NFATC2: variants seen among roughly 807,000 people sequenced by gnomAD.
NFATC2 encodes the protein nuclear factor of activated T cells 2.
In NFATC2, 22 loss-of-function variants were observed where a neutral mutation model predicts 87.3. That is an observed-to-expected ratio of 0.25 (90% CI 0.18 to 0.36). The LOEUF (loss-of-function observed/expected upper bound fraction) is 0.36. NFATC2 is among the 10% of genes least tolerant of loss of function. NFATC2 has a pLI of 1.00. For synonymous variants in NFATC2, 565 were observed against 542.2 expected, an observed-to-expected ratio of 1.04 and a Z score of -0.58; for missense variants, 1,149 against 1,259.1, an observed-to-expected ratio of 0.91 and a Z score of 1.32.
chr20:51,465,419 C>T (rs1464232850), intron 5 of NFATC2, among the ~76,000 whole-genome samples: 5 of 152,042 alleles, frequency 3.3e-5, no homozygotes, highest in African/African-American at 1.2e-4. Context: ...TGTCAACCTC[C>T]TACTTGGAAC....
chr20:51,529,109 C>T (rs1008451966), intron 1 of NFATC2, among the ~76,000 whole-genome samples: 2 of 152,278 alleles, frequency 1.3e-5, no homozygotes, highest in Admixed American at 1.3e-4. Context: ...TCTGAGAATT[C>T]ACTGCCCTTC....
At chr20:51,428,415 T>A (rs1419370194) in intron 9 of NFATC2, among the ~76,000 whole-genome samples, 1 of 152,218 alleles carries the variant, frequency 6.6e-6, no homozygotes, top group African/African-American at 2.4e-5. Flanking sequence ...ATTTTGCTTT[T>A]CCAAAGAGAC....
chr20:51,482,173 C>G (rs1405933157), intron 3 of NFATC2, among the ~76,000 whole-genome samples: 1 of 151,850 alleles, frequency 6.6e-6, no homozygotes, highest in Non-Finnish European at 1.5e-5. Flanking sequence ...ATCCACCCCA[C>G]CAGCTCAGCA....
intron 5 of NFATC2, among the ~76,000 whole-genome samples, chr20:51,455,347 T>C (rs1428280605): frequency 1.3e-5 from 2 of 152,046 alleles, no homozygotes; most frequent in Admixed American, 6.5e-5. Flanking sequence ...CACTTCCTAG[T>C]GTCTGTCCTC....
At chr20:51,443,369 T>C (rs1749925248) in intron 6 of NFATC2, among the ~76,000 whole-genome samples, 1 of 152,196 alleles carries the variant, frequency 6.6e-6, no homozygotes, top group Non-Finnish European at 1.5e-5. Flanking sequence ...CAATTAATAC[T>C]GGCTGAATAA....
At chr20:51,554,244 A>G (rs1267441902) in intron 1 of NFATC2, among the ~76,000 whole-genome samples, 2 of 152,194 alleles carry the variant, frequency 1.3e-5, no homozygotes, top group African/African-American at 4.8e-5. Context: ...TAGCTTATAA[A>G]TGACTTCCTA....
chr20:51,512,470 C>G (rs1009833509), intron 3 of NFATC2, among the ~76,000 whole-genome samples: 5 of 152,186 alleles, frequency 3.3e-5, no homozygotes, highest in Non-Finnish European at 5.9e-5. Flanking sequence ...GCAACCAGCA[C>G]AGTGCCTGGC....
At chr20:51,475,751 A>G in intron 3 of NFATC2, 91 bp from the exon 4 acceptor site, 1 of 1,204,244 alleles carries the variant, frequency 8.3e-7, no homozygotes, top group South Asian at 1.4e-5. Flanking sequence ...CATGGGCAGT[A>G]GAGAGACTAT....
intron 6 of NFATC2, among the ~76,000 whole-genome samples, chr20:51,446,004 C>A (rs1176390575): frequency 6.6e-6 from 1 of 152,232 alleles, no homozygotes; most frequent in Admixed American, 6.5e-5. Flanking sequence ...GCCAGCTACT[C>A]TGGGAACCAG....
Position 51,432,138 on chromosome 20 carries a change from T to C in NFATC2, c.2651A>G (p.Gln884Arg). Residue 884 changes from glutamine to arginine, a missense_variant, in exon 9 of 11, where the codon CAA becomes CGA. Gln to Arg is a conservative substitution (Grantham distance 43). This residue lies in a region of NFATC2 where 581 missense variants were observed against 649.7 expected (regional missense o/e 0.89). Coordinates refer to ENST00000371564, the MANE Select transcript of NFATC2 (RefSeq NM_012340.5). The surrounding 1 kb of genome is among the most constrained non-coding windows in gnomAD (Gnocchi z 4.6). ...AAKNGPPVSD[Q>R]KEVLPAGVTI... Reference sequence around the variant, plus strand: ...CACCCCCGCAGGTAATACTTCCTTTTGGTCACTGACCGGGGGTCCGTTTTT... The same window carrying C: ...CACCCCCGCAGGTAATACTTCCTTTCGGTCACTGACCGGGGGTCCGTTTTT... 6.3e-7 allele frequency: 1 copy of C among 1,587,080 alleles called. No homozygotes were observed. The highest frequency in any genetic ancestry group is 8.6e-7 in the Non-Finnish European group (1 of 1,163,572).
intron 6 of NFATC2, among the ~76,000 whole-genome samples, chr20:51,453,509 A>G (rs1986053971): frequency 6.6e-6 from 1 of 152,254 alleles, no homozygotes; most frequent in African/African-American, 2.4e-5. Context: ...TGGTTCTAGT[A>G]TCCAAAATAA....
Position 51,562,490 on chromosome 20 carries a change from G to T in NFATC2, c.70+70C>A. 1.5e-6 allele frequency: 2 copies of T among 1,367,832 alleles called. No individual in the cohort carries two copies. Among genetic ancestry groups the T allele is most frequent in the Non-Finnish European group, 2.0e-6 (2 of 986,742 alleles). The allele number at this position is 1,367,832 out of a possible 1,614,324, so 84.7% of individuals were successfully genotyped here. A position where few individuals can be genotyped will look rare whatever the true frequency, so the allele number is the denominator to read the frequency against. On this transcript the variant is annotated intron_variant, in intron 1 of 10. Transcript: ENST00000414705. This position sits in a 1 kb window ranked among gnomAD's most constrained non-coding sequence, Gnocchi z 5.8. Reference sequence around the variant, plus strand: ...TGCCGGGAGCTGAAAGTGCTGCCCGGGACGGGAGCAGCAGGAAAGGGCCGG... The same window carrying T: ...TGCCGGGAGCTGAAAGTGCTGCCCGTGACGGGAGCAGCAGGAAAGGGCCGG...
chr20:51,541,923 G>A (rs559580666), intron 1 of NFATC2, among the ~76,000 whole-genome samples: 4 of 152,212 alleles, frequency 2.6e-5, no homozygotes, highest in Admixed American at 1.3e-4. Flanking sequence ...TGATAACTGG[G>A]TTCAGCTGCA....
At chr20:51,507,891 G>A (rs576332842) in intron 3 of NFATC2, among the ~76,000 whole-genome samples, 3 of 152,280 alleles carry the variant, frequency 2.0e-5, no homozygotes, top group South Asian at 4.1e-4. Context: ...ACACTCTATG[G>A]CATCGCTGCA....
chr20:51,440,857 G>A (rs1158303271), intron 6 of NFATC2, among the ~76,000 whole-genome samples: 6 of 152,188 alleles, frequency 3.9e-5, no homozygotes, highest in Admixed American at 6.5e-5. Context: ...GGTACCTTGG[G>A]GTCATTTTCC....
chr20:51,465,043 G>A (rs145289331), intron 5 of NFATC2, among the ~76,000 whole-genome samples: 4 of 152,286 alleles, frequency 2.6e-5, no homozygotes, highest in East Asian at 1.9e-4. Context: ...CTGCCTTCAA[G>A]TATTGATTAG....
At chr20:51,512,375 T>C (rs991370367) in intron 3 of NFATC2, among the ~76,000 whole-genome samples, 3 of 151,856 alleles carry the variant, frequency 2.0e-5, no homozygotes, top group East Asian at 1.9e-4. Context: ...CCTGACCAAC[T>C]CAAACCATCC....
chr20:51,469,025 A>AT (rs11428690), intron 5 of NFATC2, among the ~76,000 whole-genome samples: 87,765 of 147,934 alleles, frequency 0.59, 26,799 homozygotes, highest in East Asian at 0.94. Flanking sequence ...GGACATCAGT[A>AT]TTTTTTTTTT....
intron 3 of NFATC2, among the ~76,000 whole-genome samples, chr20:51,502,740 A>G (rs1339494618): frequency 1.3e-5 from 2 of 152,202 alleles, no homozygotes; most frequent in Non-Finnish European, 2.9e-5. Flanking sequence ...CCAGGGTTCA[A>G]GCAAAGGCAA....
Sources: gnomAD v4.1 joint callset for allele counts (sites outside exome capture counted in the v4.1 genomes callset) on GRCh38, gnomAD v4.1.1 for gene constraint, gnomAD v4.1.1 regional missense constraint, Gnocchi (gnomAD v3.1) non-coding constraint, MANE v1.5 for transcripts, NCBI Gene and HGNC (gene_info 2026-07-23, HGNC 2026-07-21) for gene names.